Variants in TARS1 observed in about 807,000 individuals in gnomAD.
TARS1 encodes threonyl-tRNA synthetase 1, also known as threonine--tRNA ligase 1, cytoplasmic.
A neutral mutation model predicts 97.7 loss-of-function variants in TARS1; 57 were observed. The observed-to-expected ratio is 0.58, with a 90% CI of 0.47 to 0.73. The LOEUF is 0.73. Among genes scored for constraint, TARS1 ranks in the 30% least tolerant of loss-of-function variants. TARS1 has a pLI of 0.00. For missense variants in TARS1, 806 were observed against 888.3 expected (o/e 0.91, Z 1.18); for synonymous variants, 312 against 293.7 (o/e 1.06, Z -0.64).
chr5:33,454,138 TCTG>T, intron 4 of TARS1, among the ~76,000 whole-genome samples: 1 of 152,302 alleles, frequency 6.6e-6, no homozygotes, highest in South Asian at 2.1e-4. Flanking sequence ...AAGATGCAAA[TCTG>T]CTGGATAACA....
At chr5:33,443,341 C>CTCTCTCTCTCTCTCTCTCTCTCTT (rs1561066258) in intron 1 of TARS1, among the ~76,000 whole-genome samples, 3 of 150,556 alleles carry the variant, frequency 2.0e-5, no homozygotes, top group African/African-American at 7.4e-5. Flanking sequence ...CTCTCTCTCT[C>CTCTCTCTCTCTCTCTCTCTCTCTT]TCTCTCTCTC....
chr5:33,456,458 C>A (rs550393650), intron 8 of TARS1, among the ~76,000 whole-genome samples: 1 of 152,296 alleles, frequency 6.6e-6, no homozygotes, highest in South Asian at 2.1e-4. Flanking sequence ...GGAGATTTTA[C>A]AAAATCATAC....
intron 2 of TARS1, chr5:33,446,645 G>C: frequency 7.8e-7 from 1 of 1,285,638 alleles, no homozygotes; most frequent in Non-Finnish European, 1.0e-6. Flanking sequence ...CAATCACAGA[G>C]ACTGACACAG....
intron 3 of TARS1, among the ~76,000 whole-genome samples, chr5:33,449,786 A>G (rs999866386): frequency 2.0e-5 from 3 of 152,170 alleles, no homozygotes; most frequent in Non-Finnish European, 4.4e-5. Context: ...AAATAGTTGG[A>G]AAAAATAAAA....
rs190409491 is a variant in TARS1, at chr5:33,446,835, A to T, written c.138+1431A>T. ...CTGTGCATTAGTCTGAGGGGTTCAG[A>T]TTATGGTTGTAGAATGACAGGCTCT... is the stretch of plus-strand genomic sequence containing the variant. On this transcript the variant is annotated intron_variant, in intron 2 of 18. Coordinates refer to ENST00000265112, the MANE Select transcript of TARS1 (RefSeq NM_152295.5). 2.9e-5 allele frequency: 28 copies of T among 975,402 alleles called. No individual in the cohort carries two copies. In the African/African-American group the frequency reaches 3.7e-4, roughly 13 times the overall value. 60.4% of individuals were successfully genotyped at this position (975,402 alleles called of 1,614,324 possible).
chr5:33,450,187 G>A (rs993380044), intron 3 of TARS1, among the ~76,000 whole-genome samples: 14 of 151,988 alleles, frequency 9.2e-5, no homozygotes, highest in African/African-American at 3.1e-4. Flanking sequence ...CCCTTATTGT[G>A]TTATTTTATA....
intron 1 of TARS1, among the ~76,000 whole-genome samples, chr5:33,443,644 C>T (rs552069205): frequency 6.6e-6 from 1 of 152,068 alleles, no homozygotes; most frequent in Admixed American, 6.5e-5. Flanking sequence ...AGGCACCCGC[C>T]ACCACGCCCG....
At chr5:33,449,345 G>GTATA (rs375640376) in intron 3 of TARS1, among the ~76,000 whole-genome samples, 3 of 115,350 alleles carry the variant, frequency 2.6e-5, no homozygotes, top group African/African-American at 1.1e-4. Context: ...ATATACACGT[G>GTATA]TATATATATA....
chr5:33,457,247 T>G lies in TARS1; in HGVS notation c.838-10T>G. 1 of 1,610,062 alleles carries G rather than the reference T, an allele frequency of 6.2e-7. No individual in the cohort carries two copies. The highest frequency in any genetic ancestry group is 2.2e-5 in the East Asian group (1 of 44,808). On this transcript the variant is annotated splice_polypyrimidine_tract_variant and intron_variant, in intron 8 of 18. Coordinates refer to ENST00000265112, the MANE Select transcript of TARS1 (RefSeq NM_152295.5). ...TTGAATGTTGTTTCATGGTTAATCC[T>G]TGTTTTCAGAATTCCTCCACGTACT...
intron 10 of TARS1, among the ~76,000 whole-genome samples, chr5:33,459,450 T>C (rs1742187264): frequency 6.6e-6 from 1 of 152,238 alleles, no homozygotes; most frequent in African/African-American, 2.4e-5. Context: ...CCTGTATTGA[T>C]GGACACTGAT....
At chr5:33,458,204 T>A (rs1333242560) in intron 9 of TARS1, among the ~76,000 whole-genome samples, 1 of 152,104 alleles carries the variant, frequency 6.6e-6, no homozygotes, top group African/African-American at 2.4e-5. Flanking sequence ...AATACATACA[T>A]AAATAAAATG....
chr5:33,462,341 A>G, intron 16 of TARS1, 138 bp downstream of exon 16: 3 of 744,404 alleles, frequency 4.0e-6, no homozygotes, highest in Non-Finnish European at 6.6e-6. Flanking sequence ...GTGTTCATTA[A>G]AAAATAAGGA....
chr5:33,457,787 A>T (rs1742100748), intron 9 of TARS1, among the ~76,000 whole-genome samples: 1 of 152,244 alleles, frequency 6.6e-6, no homozygotes, highest in Admixed American at 6.5e-5. Context: ...CCCAAGGTTT[A>T]GCAGCATGTC....
intron 9 of TARS1, among the ~76,000 whole-genome samples, chr5:33,458,312 A>G (rs75998770): frequency 0.019 from 2,935 of 152,320 alleles, 100 homozygotes; most frequent in African/African-American, 0.067. Flanking sequence ...ATTCCCTGCC[A>G]CTGTTGGGGA....
At position 33,448,727 on chromosome 5, in the gene TARS1, A is replaced by G. The variant is rs140613735; in HGVS notation, c.325A>G (p.Ile109Val). The G allele has an allele frequency of 8.5e-5, 137 of 1,612,730 alleles. No homozygotes were observed. The African/African-American group carries it at 1.7e-3, about 20-fold the overall frequency. ...TACACCATATCAAATTGCCTGTGGA[A>G]TTAGGTATAAGCTACACCCATCATG... ...KTTPYQIACG[I>V]SQGLADNTVI... The change falls in exon 3 of 19, where the codon ATT (isoleucine) becomes GTT (valine). Residue 109 changes from isoleucine to valine, a missense_variant. Physicochemically the swap from Ile to Val is conservative, Grantham distance 29. Transcript: ENST00000265112.
In TARS1 at chr5:33,456,061, C is replaced by T. The variant is rs764075809; in HGVS notation, c.753C>T (p.Val251=). 6.2e-6 allele frequency: 10 copies of T among 1,613,416 alleles called. No individual in the cohort carries two copies. In the East Asian group the frequency reaches 1.1e-4, roughly 18 times the overall value. ...NEKVNTPTTT[V]YRCGPLIDLC... Reference sequence around the variant, plus strand: ...AGGTGAATACTCCAACTACCACAGTCTATAGGTAAGAATATTAGATGTCAT... The same window carrying T: ...AGGTGAATACTCCAACTACCACAGTTTATAGGTAAGAATATTAGATGTCAT... Residue 251 remains valine, a synonymous_variant, in exon 7 of 19, where the codon GTC becomes GTT. Coordinates refer to ENST00000265112, the MANE Select transcript of TARS1 (RefSeq NM_152295.5).
At chr5:33,442,276 C>A (rs1427501642) in intron 1 of TARS1, among the ~76,000 whole-genome samples, 1 of 144,784 alleles carries the variant, frequency 6.9e-6, no homozygotes, top group Non-Finnish European at 1.5e-5. Context: ...GGTGACTATA[C>A]GTAGATTTTT....
chr5:33,465,328 C>T (rs1457982316), intron 17 of TARS1, among the ~76,000 whole-genome samples: 7 of 152,108 alleles, frequency 4.6e-5, no homozygotes, highest in African/African-American at 7.2e-5. Context: ...TTTCCCTTTG[C>T]GGGTAGGTGG....
chr5:33,453,157 T>G, intron 3 of TARS1, 132 bp from the exon 4 acceptor site: 1 of 1,156,862 alleles, frequency 8.6e-7, no homozygotes, highest in Non-Finnish European at 1.1e-6. Flanking sequence ...ATCATTATAT[T>G]TCAGAAAAAT....
Sources: allele counts gnomAD v4.1 joint callset (sites outside exome capture counted in the v4.1 genomes callset), GRCh38; gene constraint gnomAD v4.1.1; transcripts MANE v1.5; gene names NCBI Gene and HGNC (gene_info 2026-07-23, HGNC 2026-07-21).